The following CACNB2 variants were observed in gnomAD, a reference collection of about 807,000 sequenced individuals.
The protein encoded by CACNB2 is calcium voltage-gated channel auxiliary subunit beta 2.
In CACNB2, 42 loss-of-function variants were observed where a neutral mutation model predicts 73.3. The ratio of observed to expected loss-of-function variants is 0.57; its 90% CI spans 0.45 to 0.74. The LOEUF is 0.74. CACNB2 is among the 30% of genes least tolerant of loss of function. The pLI is 0.00. For synonymous variants in CACNB2, 348 were observed against 310.3 expected, an observed-to-expected ratio of 1.12 and a Z score of -1.28; for missense variants, 940 against 853.0, an observed-to-expected ratio of 1.10 and a Z score of -1.27.
chr10:18,187,495 T>G (rs1400885217), intron 2 of CACNB2, among the ~76,000 whole-genome samples: 1 of 152,210 alleles, frequency 6.6e-6, no homozygotes, highest in East Asian at 1.9e-4. Flanking sequence ...ACGGCAATAT[T>G]TTAAAAGTGA....
intron 2 of CACNB2, chr10:18,400,495 C>A: frequency 2.8e-6 from 2 of 707,908 alleles, no homozygotes; most frequent in Non-Finnish European, 3.5e-6. Context: ...GTGATGTGAG[C>A]ATCTGCGTAA....
intron 2 of CACNB2, among the ~76,000 whole-genome samples, chr10:18,166,557 T>C (rs778984245): frequency 5.3e-5 from 8 of 152,224 alleles, no homozygotes; most frequent in Non-Finnish European, 1.0e-4. Context: ...AACTCATAAA[T>C]ATTCCTAGAT....
intron 3 of CACNB2, among the ~76,000 whole-genome samples, chr10:18,465,755 C>A (rs1164681363): frequency 1.3e-5 from 2 of 150,530 alleles, no homozygotes; most frequent in Non-Finnish European, 2.9e-5. Context: ...GATTGCAGAT[C>A]ACTGCAACCT....
chr10:18,254,495 T>A (rs945226890), intron 2 of CACNB2, among the ~76,000 whole-genome samples: 20 of 152,144 alleles, frequency 1.3e-4, no homozygotes, highest in Non-Finnish European at 2.8e-4. Flanking sequence ...AAACAAATGT[T>A]GCCACTCTCA....
chr10:18,473,098 T>C (rs1300162494), intron 3 of CACNB2, among the ~76,000 whole-genome samples: 1 of 152,330 alleles, frequency 6.6e-6, no homozygotes, highest in Non-Finnish European at 1.5e-5. Flanking sequence ...CAAAGACATG[T>C]ATGAGAATCA....
At chr10:18,525,183 T>C (rs187975670) in intron 9 of CACNB2, among the ~76,000 whole-genome samples, 5 of 142,856 alleles carry the variant, frequency 3.5e-5, no homozygotes, top group Non-Finnish European at 7.8e-5. Context: ...TAGATCTTTC[T>C]TTCTGTGCTG....
At chr10:18,507,975 A>C (rs1217672595) in intron 6 of CACNB2, among the ~76,000 whole-genome samples, 5 of 151,980 alleles carry the variant, frequency 3.3e-5, no homozygotes, top group Non-Finnish European at 5.9e-5. Context: ...GGGTTTCACT[A>C]TGTTGCCCAG....
intron 2 of CACNB2, among the ~76,000 whole-genome samples, chr10:18,367,367 C>T (rs1589154034): frequency 1.3e-5 from 2 of 152,164 alleles, no homozygotes; most frequent in South Asian, 2.1e-4. Context: ...CTTCACACGT[C>T]TTCTGAAAAG....
chr10:18,290,272 C>T (rs1330283288), intron 2 of CACNB2, among the ~76,000 whole-genome samples: 1 of 151,742 alleles, frequency 6.6e-6, no homozygotes, highest in Non-Finnish European at 1.5e-5. Flanking sequence ...GGTGATCCGC[C>T]CACCTCGGCC....
At chr10:18,227,951 AGAAGATGCTAGTGCT>A (rs1312286890) in intron 2 of CACNB2, among the ~76,000 whole-genome samples, 1 of 152,192 alleles carries the variant, frequency 6.6e-6, no homozygotes, top group African/African-American at 2.4e-5. Flanking sequence ...TGAGAGAGTG[AGAAGATGCTAGTGCT>A]GTCTTCAGTG....
intron 2 of CACNB2, among the ~76,000 whole-genome samples, chr10:18,205,064 GT>G (rs1200730019): frequency 8.6e-6 from 1 of 115,952 alleles, no homozygotes; most frequent in East Asian, 2.2e-4. Flanking sequence ...GATGTCAAGT[GT>G]TTTTTGTTTT....
At chr10:18,446,750 T>G (rs183028046) in intron 3 of CACNB2, among the ~76,000 whole-genome samples, 14 of 152,266 alleles carry the variant, frequency 9.2e-5, no homozygotes, top group Admixed American at 2.0e-4. Context: ...TTTCCCATAC[T>G]TATTTGTCCA....
chr10:18,420,116 G>T (rs1390464525), intron 3 of CACNB2, among the ~76,000 whole-genome samples: 3 of 152,150 alleles, frequency 2.0e-5, no homozygotes, highest in Non-Finnish European at 4.4e-5. Context: ...TGTTCAAGAT[G>T]GAGTCACTCT....
intron 9 of CACNB2, among the ~76,000 whole-genome samples, chr10:18,524,261 C>T (rs746609696): frequency 8.6e-5 from 13 of 151,022 alleles, no homozygotes; most frequent in South Asian, 2.1e-4. Flanking sequence ...ACTTTCAAAA[C>T]GTCAGCAATC....
At chr10:18,261,232 G>C (rs1305480711) in intron 2 of CACNB2, 1 of 1,550,542 alleles carries the variant, frequency 6.4e-7, no homozygotes, top group Non-Finnish European at 8.7e-7. Flanking sequence ...AGTGCAGCTT[G>C]GTGAAGCCAC....
chr10:18,168,779 A>T (rs757725865), intron 2 of CACNB2, among the ~76,000 whole-genome samples: 13 of 152,224 alleles, frequency 8.5e-5, no homozygotes, highest in Non-Finnish European at 1.6e-4. Context: ...TAGCTAGATT[A>T]TAGAACTCTG....
chr10:18,229,587 C>G (rs1034451557), intron 2 of CACNB2, among the ~76,000 whole-genome samples: 1 of 152,044 alleles, frequency 6.6e-6, no homozygotes, highest in Non-Finnish European at 1.5e-5. Flanking sequence ...AAATATTTAG[C>G]AGCATGAAAA....
At chr10:18,421,953 G>A (rs372258901) in intron 3 of CACNB2, among the ~76,000 whole-genome samples, 2 of 152,178 alleles carry the variant, frequency 1.3e-5, no homozygotes, top group African/African-American at 2.4e-5. Flanking sequence ...GTCTAGTGTC[G>A]AAGCAGAGGT....
At chr10:18,369,526 C>T (rs2042489802) in intron 2 of CACNB2, among the ~76,000 whole-genome samples, 1 of 152,108 alleles carries the variant, frequency 6.6e-6, no homozygotes, top group South Asian at 2.1e-4. Flanking sequence ...TAAAAATAGG[C>T]TGCCTTTGAA....
Sources: allele counts gnomAD v4.1 joint callset (sites outside exome capture counted in the v4.1 genomes callset), GRCh38; gene constraint gnomAD v4.1.1; transcripts MANE v1.5; gene names NCBI Gene and HGNC (gene_info 2026-07-23, HGNC 2026-07-21).